Variants in NPSR1 observed in about 807,000 individuals in gnomAD.
NPSR1 encodes neuropeptide S receptor.
Under a neutral mutation model 46.9 loss-of-function variants are expected in NPSR1, and 48 were observed. That is an observed-to-expected ratio of 1.02 (90% CI 0.81 to 1.30). NPSR1 has a LOEUF of 1.30. Ranked by LOEUF, NPSR1 falls within the 50% of genes most tolerant of loss-of-function variation. NPSR1 has a pLI of 0.00. For missense variants in NPSR1, 450 were observed against 449.5 expected (o/e 1.00, Z -0.01); for synonymous variants, 176 against 168.1 (o/e 1.05, Z -0.36).
At chr7:34,736,953 G>A (rs1403132151) in intron 2 of NPSR1, among the ~76,000 whole-genome samples, 1 of 152,100 alleles carries the variant, frequency 6.6e-6, no homozygotes, top group African/African-American at 2.4e-5. Flanking sequence ...TAAGAAAGCA[G>A]TATTTCATCC....
rs144382038 is a variant in NPSR1, at chr7:34,745,766, G to C, written c.281-32696G>C. 4.1e-4 allele frequency among the ~76,000 whole-genome samples: 63 copies of C among 152,162 alleles called. No homozygotes were observed. The East Asian group carries it at 0.011, about 27-fold the overall frequency. ...TGGTCACAAACAGTCCTCCTGCCTTGGTCTCCCAAATTGCTGGGATTACAG... is the reference window on the plus strand; with the variant it reads ...TGGTCACAAACAGTCCTCCTGCCTTCGTCTCCCAAATTGCTGGGATTACAG... On this transcript the variant is annotated intron_variant, in intron 2 of 8. Coordinates refer to ENST00000360581, the MANE Select transcript of NPSR1 (RefSeq NM_207172.2).
At chr7:34,678,053 G>T (rs1470751101) in intron 1 of NPSR1, among the ~76,000 whole-genome samples, 1 of 152,024 alleles carries the variant, frequency 6.6e-6, no homozygotes, top group East Asian at 1.9e-4. Flanking sequence ...TTCTGATCTG[G>T]CAAAGAAACA....
At chr7:34,788,469 A>C (rs1358099416) in intron 3 of NPSR1, among the ~76,000 whole-genome samples, 1 of 152,122 alleles carries the variant, frequency 6.6e-6, no homozygotes, top group Non-Finnish European at 1.5e-5. Context: ...AATGGAAAAA[A>C]GATATTCCAT....
intron 3 of NPSR1, among the ~76,000 whole-genome samples, chr7:34,792,691 A>ATATATATATATTTT (rs1162825872): frequency 1.0e-5 from 1 of 95,668 alleles, no homozygotes. Context: ...ATATATATGT[A>ATATATATATATTTT]TATATATACG....
chr7:34,683,870 C>T (rs1043706116), intron 1 of NPSR1, among the ~76,000 whole-genome samples: 3 of 152,176 alleles, frequency 2.0e-5, no homozygotes, highest in Non-Finnish European at 4.4e-5. Context: ...AACATATAAA[C>T]CCTTGGAGGA....
At chr7:34,693,703 C>G (rs1793376013) in intron 2 of NPSR1, among the ~76,000 whole-genome samples, 1 of 152,042 alleles carries the variant, frequency 6.6e-6, no homozygotes, top group African/African-American at 2.4e-5. Flanking sequence ...ACAAAAAAAC[C>G]CACTACAGGC....
intron 3 of NPSR1, among the ~76,000 whole-genome samples, chr7:34,805,381 G>A (rs531130168): frequency 7.8e-4 from 114 of 145,482 alleles, no homozygotes; most frequent in African/African-American, 2.8e-3. Flanking sequence ...CATACAAAAA[G>A]ATAGTCAACT....
At chr7:34,668,101 A>G (rs1791846323) in intron 1 of NPSR1, among the ~76,000 whole-genome samples, 1 of 152,138 alleles carries the variant, frequency 6.6e-6, no homozygotes, top group Non-Finnish European at 1.5e-5. Context: ...TTGCTGGGCT[A>G]CAGCCACGAT....
chr7:34,686,960 CAAAAA>C (rs66886501), intron 2 of NPSR1, among the ~76,000 whole-genome samples: 1 of 94,204 alleles, frequency 1.1e-5, no homozygotes, highest in Admixed American at 1.2e-4. Context: ...GACTCCGTCT[CAAAAA>C]AAAAAAAAAA....
At chr7:34,703,111 C>G (rs12701384) in intron 2 of NPSR1, among the ~76,000 whole-genome samples, 59,186 of 152,066 alleles carry the variant, frequency 0.39, 12,049 homozygotes, top group African/African-American at 0.49. Context: ...TGTAATCCCA[C>G]CACTTTGGGA....
intron 2 of NPSR1, among the ~76,000 whole-genome samples, chr7:34,691,353 A>G (rs1305090043): frequency 6.6e-6 from 1 of 152,202 alleles, no homozygotes; most frequent in East Asian, 1.9e-4. Flanking sequence ...TGACAGGAAC[A>G]CAACCTCACA....
chr7:34,811,414 G>A (rs764167285), intron 3 of NPSR1, among the ~76,000 whole-genome samples: 11 of 152,078 alleles, frequency 7.2e-5, no homozygotes, highest in Non-Finnish European at 1.5e-4. Flanking sequence ...TCTGCCATTC[G>A]TCTGCTCATC....
intron 2 of NPSR1, among the ~76,000 whole-genome samples, chr7:34,698,372 G>T (rs1483105503): frequency 2.0e-5 from 3 of 152,124 alleles, no homozygotes; most frequent in Non-Finnish European, 4.4e-5. Flanking sequence ...CAGGGCAGGG[G>T]TTGCAATCTC....
chr7:34,873,585 G>A (rs958304696), intron 8 of NPSR1, among the ~76,000 whole-genome samples: 13 of 151,604 alleles, frequency 8.6e-5, no homozygotes, highest in Non-Finnish European at 1.8e-4. Context: ...CAAGAGAGAG[G>A]TGGAGGTATC....
At chr7:34,793,824 C>T (rs987308115) in intron 3 of NPSR1, among the ~76,000 whole-genome samples, 2 of 152,024 alleles carry the variant, frequency 1.3e-5, no homozygotes, top group African/African-American at 4.8e-5. Context: ...CAATCTATGT[C>T]CATCAATGGA....
chr7:34,786,424 C>CT (rs1026036731), intron 3 of NPSR1, among the ~76,000 whole-genome samples: 5 of 152,156 alleles, frequency 3.3e-5, no homozygotes, highest in African/African-American at 7.2e-5. Context: ...CCAGTGAAAT[C>CT]TTGAACCCAT....
intron 2 of NPSR1, among the ~76,000 whole-genome samples, chr7:34,699,882 G>A (rs1793731305): frequency 6.6e-6 from 1 of 152,118 alleles, no homozygotes; most frequent in Non-Finnish European, 1.5e-5. Flanking sequence ...GGTGGGGTGG[G>A]GAGATAATAG....
intron 2 of NPSR1, among the ~76,000 whole-genome samples, chr7:34,717,803 G>A (rs946740340): frequency 6.6e-6 from 1 of 152,166 alleles, no homozygotes; most frequent in Non-Finnish European, 1.5e-5. Flanking sequence ...CAGCAGGCCT[G>A]AGCTCCATCA....
chr7:34,714,442 A>C (rs1334629321), intron 2 of NPSR1, among the ~76,000 whole-genome samples: 1 of 152,230 alleles, frequency 6.6e-6, no homozygotes, highest in Non-Finnish European at 1.5e-5. Context: ...TTGTGGTTAT[A>C]GAAATCCCAG....
Sources: gnomAD v4.1 joint callset for allele counts (sites outside exome capture counted in the v4.1 genomes callset) on GRCh38, gnomAD v4.1.1 for gene constraint, MANE v1.5 for transcripts, NCBI Gene and HGNC (gene_info 2026-07-23, HGNC 2026-07-21) for gene names.